Variants in SAXO1 observed in about 807,000 individuals in gnomAD.
SAXO1 encodes stabilizer of axonemal microtubules 1, also known as 4930500O09Rik.
SAXO1 carries 21 observed loss-of-function variants against 17.5 expected under a neutral mutation model. The ratio of observed to expected loss-of-function variants is 1.20; its 90% CI spans 0.85 to 1.72. The LOEUF is 1.72. SAXO1 is among the 40% of genes most tolerant of loss of function. The pLI, the probability that SAXO1 is intolerant of heterozygous loss-of-function variation, is 0.00. For missense variants in SAXO1, 843 were observed against 596.0 expected, an observed-to-expected ratio of 1.41 and a Z score of -4.32; for synonymous variants, 274 against 216.5, an observed-to-expected ratio of 1.27 and a Z score of -2.33.
At chr9:18,930,224 G>C (rs1571228) in intron 3 of SAXO1, among the ~76,000 whole-genome samples, 1 of 152,118 alleles carries the variant, frequency 6.6e-6, no homozygotes, top group African/African-American at 2.4e-5. Context: ...TGAAGAATGA[G>C]AAGAACTGGC....
chr9:19,033,230 G>A (rs917178210), upstream of SAXO1: 38 of 313,050 alleles, frequency 1.2e-4, 1 homozygote, highest in East Asian at 2.0e-3. Flanking sequence ...AAGCTGCGGG[G>A]TCCGTGCCCA....
intron 1 of SAXO1, among the ~76,000 whole-genome samples, chr9:18,988,534 C>T (rs1359750565): frequency 6.6e-6 from 1 of 152,136 alleles, no homozygotes; most frequent in Non-Finnish European, 1.5e-5. Context: ...ATCTGTATGG[C>T]ATTCTACAGT....
chr9:18,935,058 G>T (rs1376494349), intron 3 of SAXO1, among the ~76,000 whole-genome samples: 1 of 152,058 alleles, frequency 6.6e-6, no homozygotes, highest in Non-Finnish European at 1.5e-5. Context: ...CTCCTGAGTG[G>T]CTGGGATTAC....
intron 2 of SAXO1, among the ~76,000 whole-genome samples, chr9:18,947,427 T>G (rs1173393300): frequency 6.6e-6 from 1 of 152,144 alleles, no homozygotes; most frequent in African/African-American, 2.4e-5. Context: ...CCGTCTGCCT[T>G]TCAGCCACAC....
At chr9:19,040,402 G>A (rs1241304460) in intron 1 of SAXO1, among the ~76,000 whole-genome samples, 1 of 152,082 alleles carries the variant, frequency 6.6e-6, no homozygotes, top group Non-Finnish European at 1.5e-5. Context: ...AGTGTCTCTG[G>A]GAGGCTGAGG....
chr9:18,964,373 A>G (rs1292320942), intron 1 of SAXO1, among the ~76,000 whole-genome samples: 1 of 152,204 alleles, frequency 6.6e-6, no homozygotes, highest in Non-Finnish European at 1.5e-5. Flanking sequence ...TACCTCTGGT[A>G]GAATTCAGCT....
At chr9:18,966,080 C>G (rs1397399437) in intron 1 of SAXO1, among the ~76,000 whole-genome samples, 1 of 152,212 alleles carries the variant, frequency 6.6e-6, no homozygotes, top group Non-Finnish European at 1.5e-5. Context: ...CCTCCACTCT[C>G]TTCTGGTTTG....
At chr9:19,023,465 T>C (rs2131025897) in intron 1 of SAXO1, among the ~76,000 whole-genome samples, 1 of 152,256 alleles carries the variant, frequency 6.6e-6, no homozygotes, top group East Asian at 1.9e-4. Flanking sequence ...ATGAGAACGC[T>C]GAGGTACACA....
At chr9:18,949,867 A>C (rs748978677) in intron 2 of SAXO1, among the ~76,000 whole-genome samples, 2 of 152,210 alleles carry the variant, frequency 1.3e-5, no homozygotes, top group Non-Finnish European at 2.9e-5. Context: ...AACAGTCAAC[A>C]TTCACCATCA....
intron 1 of SAXO1, 114 bp from the exon 2 acceptor site, chr9:18,951,051 T>C (rs183901971): frequency 1.0e-5 from 11 of 1,074,282 alleles, no homozygotes; most frequent in East Asian, 4.9e-5. Flanking sequence ...ACTGCCAACA[T>C]TGAAAACCAG....
chr9:19,003,147 C>A (rs143102419), intron 1 of SAXO1, among the ~76,000 whole-genome samples: 1 of 152,262 alleles, frequency 6.6e-6, no homozygotes, highest in East Asian at 1.9e-4. Flanking sequence ...TTCACTATTA[C>A]TACAAAGAGA....
intron 3 of SAXO1, among the ~76,000 whole-genome samples, chr9:18,934,524 C>T (rs112670719): frequency 0.026 from 3,936 of 152,264 alleles, 87 homozygotes; most frequent in South Asian, 0.1. Flanking sequence ...TTATTATTTC[C>T]TGTTACTGAT....
intron 1 of SAXO1, among the ~76,000 whole-genome samples, chr9:18,992,037 G>A (rs960072232): frequency 2.6e-5 from 4 of 152,148 alleles, no homozygotes; most frequent in South Asian, 4.1e-4. Flanking sequence ...TGCCAGGCAC[G>A]ATTTAATCCT....
chr9:18,997,696 G>T (rs1453974726), intron 1 of SAXO1, among the ~76,000 whole-genome samples: 1 of 152,212 alleles, frequency 6.6e-6, no homozygotes, highest in African/African-American at 2.4e-5. Flanking sequence ...GCCTGACTGG[G>T]AGACACTTCC....
At chr9:18,945,049 C>G (rs2131711794) in intron 2 of SAXO1, among the ~76,000 whole-genome samples, 1 of 152,278 alleles carries the variant, frequency 6.6e-6, no homozygotes, top group Non-Finnish European at 1.5e-5. Context: ...CTCTCTTCCT[C>G]CCTACTGCCT....
intron 1 of SAXO1, among the ~76,000 whole-genome samples, chr9:18,985,411 AAC>A (rs1321799764): frequency 1.3e-5 from 2 of 152,382 alleles, no homozygotes; most frequent in South Asian, 2.1e-4. Flanking sequence ...ACATTAAAAA[AAC>A]ACACTATCTG....
At chr9:19,036,254 TAAAA>T (rs66796545), upstream of SAXO1, among the ~76,000 whole-genome samples, 1 of 119,750 alleles carries the variant, frequency 8.4e-6, no homozygotes, top group Non-Finnish European at 1.9e-5. Context: ...TAAAGTATAA[TAAAA>T]AAAAAAAAAA....
intron 1 of SAXO1, among the ~76,000 whole-genome samples, chr9:19,022,695 C>T (rs573995440): frequency 4.6e-5 from 7 of 152,080 alleles, no homozygotes; most frequent in Non-Finnish European, 7.4e-5. Flanking sequence ...ATTACAACCC[C>T]AATTTGTTAA....
intron 1 of SAXO1, among the ~76,000 whole-genome samples, chr9:19,021,369 C>A (rs1326714251): frequency 6.6e-6 from 1 of 152,212 alleles, no homozygotes; most frequent in Non-Finnish European, 1.5e-5. Flanking sequence ...ATACTCCCAA[C>A]TAGCCATTAA....
Sources: allele counts gnomAD v4.1 joint callset (sites outside exome capture counted in the v4.1 genomes callset), GRCh38; gene constraint gnomAD v4.1.1; transcripts MANE v1.5; gene names NCBI Gene and HGNC (gene_info 2026-07-23, HGNC 2026-07-21).